JAKMIP3: variants seen among roughly 807,000 people sequenced by gnomAD.
JAKMIP3 encodes janus kinase and microtubule-interacting protein 3.
A neutral mutation model predicts 118.5 loss-of-function variants in JAKMIP3; 58 were observed. The ratio of observed to expected loss-of-function variants is 0.49; its 90% confidence interval spans 0.40 to 0.61. The LOEUF is 0.61. Among genes scored for constraint, JAKMIP3 ranks in the 20% least tolerant of loss-of-function variants. The pLI, the probability that JAKMIP3 is intolerant of heterozygous loss-of-function variation, is 0.00. For missense variants in JAKMIP3, 950 were observed against 1,109.0 expected (o/e 0.86, Z 2.04); for synonymous variants, 486 against 451.2 (o/e 1.08, Z -0.98).
chr10:132,182,061 G>A (rs759683492), intron 23 of JAKMIP3, among the ~76,000 whole-genome samples: 1 of 152,264 alleles, frequency 6.6e-6, no homozygotes, highest in Non-Finnish European at 1.5e-5. Context: ...GCCCAGACAT[G>A]GTGAGAAAGA....
intron 16 of JAKMIP3, among the ~76,000 whole-genome samples, chr10:132,150,287 A>G (rs2055838617): frequency 6.6e-6 from 1 of 152,052 alleles, no homozygotes; most frequent in African/African-American, 2.4e-5. Context: ...CACATTGCCC[A>G]GCTTCTGGGA....
intron 1 of JAKMIP3, among the ~76,000 whole-genome samples, chr10:132,057,967 C>A (rs914117004): frequency 6.6e-6 from 1 of 152,212 alleles, no homozygotes; most frequent in Non-Finnish European, 1.5e-5. Flanking sequence ...GGAGAGTCTG[C>A]AATCAGGGCC....
chr10:132,153,265 C>A lies in JAKMIP3; in HGVS notation c.2073+242C>A, dbSNP rs569436853. Among the ~76,000 whole-genome samples the A allele has an allele frequency of 3.0e-4, 45 of 152,320 alleles. 1 individual carries two copies. Among genetic ancestry groups the A allele is most frequent in the Middle Eastern group, 3.4e-3 (1 of 294 alleles). The stretch of plus-strand genomic sequence containing the variant: ...TCACCAACCCTGTCTGCGTTTCCTC[C>A]CAAAGGCGGGAAGGTATGGTGAGTC... On this transcript the variant is annotated intron_variant, in intron 17 of 23. Transcript: ENST00000684848.
intron 1 of JAKMIP3, among the ~76,000 whole-genome samples, chr10:132,091,915 G>T (rs1430637994): frequency 6.6e-6 from 1 of 152,198 alleles, no homozygotes; most frequent in East Asian, 1.9e-4. Flanking sequence ...GGTACTGGTT[G>T]TTCCTTTCCA....
chr10:132,179,221 C>T lies in JAKMIP3; in HGVS notation c.*1104-3136C>T, dbSNP rs1033089749. 7.2e-5 allele frequency among the ~76,000 whole-genome samples: 11 copies of T among 152,122 alleles called. No individual in the cohort carries two copies. Among genetic ancestry groups the T allele is most frequent in the African/African-American group, 2.7e-4 (11 of 41,420 alleles). The stretch of plus-strand genomic sequence containing the variant: ...AAGATAAAATTACCCAGGCTTTCCC[C>T]TCCAGCGTGAAGGGCAGGGGCCCTC... On this transcript the variant is annotated intron_variant, in intron 23 of 23. Coordinates refer to ENST00000684848, the MANE Select transcript of JAKMIP3 (RefSeq NM_001323087.2). This position sits in a 1 kb window ranked among gnomAD's most constrained non-coding sequence, Gnocchi z 4.3.
At position 132,182,615 on chromosome 10, in the gene JAKMIP3, C is replaced by T. The variant is rs371218029; in HGVS notation, c.*1362C>T. The T allele has an allele frequency of 3.3e-5, 5 of 152,062 alleles. No homozygotes were observed. The highest frequency in any genetic ancestry group is 3.9e-4 in the East Asian group (2 of 5,172). 9.4% of individuals were successfully genotyped at this position (152,062 alleles called of 1,614,324 possible). The stretch of plus-strand genomic sequence containing the variant: ...TTTTCACGCAACCAGAAGAGCCATT[C>T]GTGGGATTTAGCCATTTCGAGGCAC... On this transcript the variant is annotated 3_prime_UTR_variant, in exon 24 of 24. Transcript: ENST00000684848.
intron 1 of JAKMIP3, among the ~76,000 whole-genome samples, chr10:132,099,874 G>A (rs560474879): frequency 1.1e-5 from 1 of 93,684 alleles, no homozygotes; most frequent in African/African-American, 3.4e-5. Context: ...CAGCTCCCGT[G>A]CTCACCCTGG....
chr10:132,087,758 G>A (rs951081135), intron 1 of JAKMIP3, among the ~76,000 whole-genome samples: 2 of 151,386 alleles, frequency 1.3e-5, no homozygotes, highest in Non-Finnish European at 2.9e-5. Flanking sequence ...TGCACAACGT[G>A]CAGGTTAGTT....
At chr10:132,132,652 G>A (rs2135690536) in intron 3 of JAKMIP3, among the ~76,000 whole-genome samples, 1 of 152,362 alleles carries the variant, frequency 6.6e-6, no homozygotes, top group East Asian at 1.9e-4. Context: ...TTGGCTCGCA[G>A]CCAGATTAAT....
At position 132,168,410 on chromosome 10, in the gene JAKMIP3, G is replaced by A; in HGVS notation, c.*480G>A. On this transcript the variant is annotated 3_prime_UTR_variant, in exon 23 of 24. Coordinates refer to ENST00000684848, the MANE Select transcript of JAKMIP3 (RefSeq NM_001323087.2). The stretch of plus-strand genomic sequence containing the variant: ...TTGGCCTGATGACAAGATGAAAGCT[G>A]GACGGTGACCTTCATTCAGGGGAAC... 1 of 1,289,094 alleles carries A rather than the reference G, an allele frequency of 7.8e-7. No homozygotes were observed. Among genetic ancestry groups the A allele is most frequent in the Non-Finnish European group, 1.0e-6 (1 of 988,488 alleles). 79.9% of individuals were successfully genotyped at this position (1,289,094 alleles called of 1,614,324 possible).
chr10:132,180,646 C>CGTGCGT lies in JAKMIP3; in HGVS notation c.*1104-1708_*1104-1707insCGTGTG, dbSNP rs2060948892. Among the ~76,000 whole-genome samples the CGTGCGT allele has an allele frequency of 6.0e-4, 5 of 8,312 alleles. 1 individual carries two copies. Among genetic ancestry groups the CGTGCGT allele is most frequent in the Admixed American group, 1.1e-3 (1 of 876 alleles). The allele number at this position is 8,312 out of a possible 152,430, so 5.5% of individuals were successfully genotyped here. ...GTGTGCGTGTGTGCGTGCGTGTGTG[C>CGTGCGT]GTGTGCGTGTGCGTGTGTGCGTGTG... On this transcript the variant is annotated intron_variant, in intron 23 of 23. Transcript: ENST00000684848.
chr10:132,108,585 C>T (rs528091852), intron 2 of JAKMIP3, among the ~76,000 whole-genome samples: 5 of 152,038 alleles, frequency 3.3e-5, no homozygotes, highest in African/African-American at 1.2e-4. Flanking sequence ...CTCATTAACT[C>T]GTCCCTCCCC....
rs142761770 is a variant in JAKMIP3, at chr10:132,131,147, G to C, written c.634-2165G>C. 7.8e-4 allele frequency among the ~76,000 whole-genome samples: 119 copies of C among 152,076 alleles called. 2 individuals are homozygous for C. The East Asian group carries it at 0.017, about 22-fold the overall frequency. On this transcript the variant is annotated intron_variant, in intron 3 of 23. Transcript: ENST00000684848. ...CAGCTGGGAGTGAGGAGGTCCTGGT[G>C]GGTGGGGAAGGCAACAGAGGGAGCT...
chr10:132,139,068 G>GTGTGTGTGTA (rs1554946060), intron 9 of JAKMIP3, among the ~76,000 whole-genome samples: 28 of 145,936 alleles, frequency 1.9e-4, no homozygotes, highest in Non-Finnish European at 3.9e-4. Flanking sequence ...GTGTGTGTGT[G>GTGTGTGTGTA]TATGTGTATG....
At chr10:132,072,490 G>A (rs114062138) in intron 1 of JAKMIP3, among the ~76,000 whole-genome samples, 2,356 of 152,106 alleles carry the variant, frequency 0.015, 69 homozygotes, top group African/African-American at 0.054. Context: ...AGCCATGATC[G>A]TACCATAGCA....
intron 16 of JAKMIP3, among the ~76,000 whole-genome samples, chr10:132,150,752 A>G (rs2055988236): frequency 6.6e-6 from 1 of 151,876 alleles, no homozygotes; most frequent in Non-Finnish European, 1.5e-5. Context: ...TAATCCATGT[A>G]TCCGTCCTCC....
intron 2 of JAKMIP3, among the ~76,000 whole-genome samples, chr10:132,114,832 A>T (rs6560682): frequency 0.66 from 100,970 of 152,096 alleles, 34,077 homozygotes; most frequent in East Asian, 0.9. Flanking sequence ...CTAACACGTC[A>T]TCAAAAGTGT....
At chr10:132,140,772 C>T (rs545392654) in intron 10 of JAKMIP3, among the ~76,000 whole-genome samples, 193 bp downstream of exon 10, 2 of 152,336 alleles carry the variant, frequency 1.3e-5, no homozygotes, top group East Asian at 1.9e-4. Context: ...CTGACTCGGG[C>T]ACGGTGAGAA....
In JAKMIP3 at chr10:132,112,216, G is replaced by C. The variant is rs2046981405; in HGVS notation, c.136-4861G>C. Reference sequence around the variant, plus strand: ...GAGCCTCACACCAACATCCAGGCGGGGGCTGACATTTGGGTGGTGAGCACA... The same window carrying C: ...GAGCCTCACACCAACATCCAGGCGGCGGCTGACATTTGGGTGGTGAGCACA... On this transcript the variant is annotated intron_variant, in intron 2 of 23. Coordinates refer to ENST00000684848, the MANE Select transcript of JAKMIP3 (RefSeq NM_001323087.2). The surrounding 1 kb of genome is among the most constrained non-coding windows in gnomAD (Gnocchi z 4.3). Among the ~76,000 whole-genome samples the C allele has an allele frequency of 6.6e-6, 1 of 152,148 alleles. No individual in the cohort carries two copies. Among genetic ancestry groups the C allele is most frequent in the Non-Finnish European group, 1.5e-5 (1 of 68,014 alleles).
Sources: allele counts gnomAD v4.1 joint callset (sites outside exome capture counted in the v4.1 genomes callset), GRCh38; gene constraint gnomAD v4.1.1; non-coding constraint Gnocchi (gnomAD v3.1); transcripts MANE v1.5; gene names NCBI Gene and HGNC (gene_info 2026-07-23, HGNC 2026-07-21).